The following SLC2A9 variants were observed in gnomAD, a reference collection of about 807,000 sequenced individuals.
SLC2A9 encodes the protein solute carrier family 2 member 9.
In SLC2A9, 39 loss-of-function variants were observed where a neutral mutation model predicts 50.6. The ratio of observed to expected loss-of-function variants is 0.77; its 90% CI spans 0.60 to 1.01. The LOEUF is 1.01. Ranked by LOEUF, SLC2A9 falls within the 50% of genes least tolerant of loss-of-function variation. The probability of loss-of-function intolerance (pLI) is 0.00; values close to 1 mark genes in which losing one functional copy is unlikely to be tolerated. For missense variants in SLC2A9, 686 were observed against 677.6 expected (o/e 1.01, Z -0.14); for synonymous variants, 324 against 276.9 (o/e 1.17, Z -1.69).
intron 1 of SLC2A9, among the ~76,000 whole-genome samples, chr4:10,036,595 T>C (rs1442245716): frequency 6.6e-6 from 1 of 152,216 alleles, no homozygotes; most frequent in Non-Finnish European, 1.5e-5. Context: ...ATTAGCATCA[T>C]TTTACATGGC....
chr4:9,990,023 T>C (rs563007369), intron 3 of SLC2A9, among the ~76,000 whole-genome samples: 105 of 152,228 alleles, frequency 6.9e-4, no homozygotes, highest in African/African-American at 2.3e-3. Flanking sequence ...CTCCTTGAGC[T>C]GCTCTGTTTT....
At chr4:9,848,289 C>A (rs557356376) in intron 10 of SLC2A9, among the ~76,000 whole-genome samples, 97 of 152,076 alleles carry the variant, frequency 6.4e-4, no homozygotes, top group Admixed American at 1.2e-3. Context: ...TTCTACACAG[C>A]CCAACCAGGT....
At position 9,996,871 on chromosome 4, in the gene SLC2A9, G is replaced by T; in HGVS notation, c.320C>A (p.Thr107Asn). Residue 107 changes from threonine to asparagine, a missense_variant, in exon 3 of 12, where the codon ACT becomes AAT. Thr to Asn is a moderately conservative substitution (Grantham distance 65). Transcript: ENST00000264784. ...GGACACAGTCACAGACCAGAGCAAA[G>T]TCAGAGTGTCTGGGTCTATTGGACG... Reference protein sequence around the residue: ...HGRPIDPDTLTLLWSVTVSIF... With the variant: ...HGRPIDPDTLNLLWSVTVSIF... 2 of 1,614,140 alleles carry T rather than the reference G, an allele frequency of 1.2e-6. No homozygotes were observed. The highest frequency in any genetic ancestry group is 2.2e-5 in the South Asian group (2 of 91,088).
intron 1 of SLC2A9, among the ~76,000 whole-genome samples, chr4:10,020,972 G>T (rs1239222082): frequency 6.6e-6 from 1 of 152,224 alleles, no homozygotes; most frequent in African/African-American, 2.4e-5. Flanking sequence ...GCCATGCCCT[G>T]GGGAGGGTGA....
intron 8 of SLC2A9, among the ~76,000 whole-genome samples, chr4:9,903,260 A>ATTT (rs35134320): frequency 6.8e-6 from 1 of 147,118 alleles, no homozygotes; most frequent in Non-Finnish European, 1.5e-5. Flanking sequence ...AACCATAAGG[A>ATTT]TTTTTTTTTT....
chr4:9,795,161 C>T (rs979819360), downstream of SLC2A9, among the ~76,000 whole-genome samples: 22 of 151,948 alleles, frequency 1.4e-4, no homozygotes, highest in African/African-American at 5.1e-4. Context: ...CAGGTGCACG[C>T]CCCCACACTC....
Position 9,996,932 on chromosome 4 carries a change from C to A in SLC2A9, c.259G>T (p.Ala87Ser), listed in dbSNP as rs768379029. ...CTTTCCCATGACTCATTGTAAAAGG[C>A]CTTGATGTACTGAAAATAAACAACA... Reference protein sequence around the residue: ...VVNAPTPYIKAFYNESWERRH... With the variant: ...VVNAPTPYIKSFYNESWERRH... Residue 87 changes from alanine (A) to serine (S), a missense_variant, in exon 3 of 12, where the codon GCC (alanine) becomes TCC (serine). Transcript: ENST00000264784. 5.6e-6 allele frequency: 9 copies of A among 1,613,984 alleles called. No homozygotes were observed. Among genetic ancestry groups the A allele is most frequent in the East Asian group, 2.2e-5 (1 of 44,858 alleles).
rs535217120 is a variant in SLC2A9, at chr4:9,997,583, C to A, written c.250-642G>T. On this transcript the variant is annotated intron_variant, in intron 2 of 11. Coordinates refer to ENST00000264784, the MANE Select transcript of SLC2A9 (RefSeq NM_020041.3). ...GGTGTGGTGGCATGCACCTGTAATC[C>A]CAGCTACTCAGGAGGCTGAGGCATG... 3.3e-5 allele frequency among the ~76,000 whole-genome samples: 5 copies of A among 152,100 alleles called. No homozygotes were observed. In the East Asian group the frequency reaches 9.7e-4, roughly 29 times the overall value.
At chr4:9,787,606 T>C (rs183140348) in intron 3 of SLC2A9, among the ~76,000 whole-genome samples, 9 of 152,380 alleles carry the variant, frequency 5.9e-5, no homozygotes, top group African/African-American at 2.2e-4. Flanking sequence ...GACTTCATGA[T>C]AATGTCCTTT....
At chr4:9,785,699 A>C (rs370414516) in intron 3 of SLC2A9, among the ~76,000 whole-genome samples, 2 of 152,232 alleles carry the variant, frequency 1.3e-5, no homozygotes, top group African/African-American at 4.8e-5. Context: ...TGCTCTAGGC[A>C]TTGTTCTAGA....
intron 8 of SLC2A9, 149 bp from the exon 9 acceptor site, chr4:9,890,860 C>A: frequency 1.4e-6 from 1 of 707,180 alleles, no homozygotes; most frequent in Non-Finnish European, 2.5e-6. Context: ...TGGCCACAGC[C>A]CTGAAGCAAT....
At chr4:10,014,336 G>A (rs1266602763) in intron 2 of SLC2A9, among the ~76,000 whole-genome samples, 2 of 152,202 alleles carry the variant, frequency 1.3e-5, no homozygotes, top group Non-Finnish European at 2.9e-5. Context: ...CACCTACATG[G>A]TGCCTGGGAT....
At chr4:10,010,820 C>T (rs1761639497) in intron 2 of SLC2A9, among the ~76,000 whole-genome samples, 1 of 152,180 alleles carries the variant, frequency 6.6e-6, no homozygotes, top group Non-Finnish European at 1.5e-5. Flanking sequence ...TCCCTGTTTG[C>T]TTTCTAATTT....
At chr4:10,009,779 G>A (rs1241387438) in intron 2 of SLC2A9, 2 of 152,302 alleles carry the variant, frequency 1.3e-5, no homozygotes, top group Admixed American at 6.5e-5. Context: ...CTAAAGTTAA[G>A]TTCTCATTCA....
intron 1 of SLC2A9, among the ~76,000 whole-genome samples, chr4:10,020,995 C>T (rs1311320961): frequency 6.6e-6 from 1 of 152,234 alleles, no homozygotes; most frequent in Admixed American, 6.5e-5. Flanking sequence ...AGAGGGACAC[C>T]ACCATGCAAG....
At chr4:9,775,625 C>T (rs1412963869), downstream of SLC2A9, among the ~76,000 whole-genome samples, 3 of 151,792 alleles carry the variant, frequency 2.0e-5, no homozygotes, top group Non-Finnish European at 4.4e-5. Context: ...AAGTGTGTGG[C>T]ATGTCCCTCC....
intron 3 of SLC2A9, among the ~76,000 whole-genome samples, chr4:9,818,009 C>T (rs936046918): frequency 5.9e-5 from 9 of 152,184 alleles, no homozygotes; most frequent in African/African-American, 2.2e-4. Context: ...TCCAGTGCTA[C>T]ATTACTTATA....
In SLC2A9 at chr4:9,895,658, T is replaced by C. The variant is rs140992859; in HGVS notation, c.1114-4947A>G. 2.3e-3 allele frequency among the ~76,000 whole-genome samples: 353 copies of C among 152,346 alleles called. 3 individuals are homozygous for C. Among genetic ancestry groups the C allele is most frequent in the African/African-American group, 7.8e-3 (323 of 41,576 alleles). ...CTGGTGAAATAATAATGGGAACCTT[T>C]TGTTCTGGTTAGGATTTTAAGAAGC... On this transcript the variant is annotated intron_variant, in intron 8 of 11. Coordinates refer to ENST00000264784, the MANE Select transcript of SLC2A9 (RefSeq NM_020041.3).
intron 8 of SLC2A9, among the ~76,000 whole-genome samples, chr4:9,905,305 A>G (rs1055645433): frequency 3.3e-5 from 5 of 152,226 alleles, no homozygotes; most frequent in African/African-American, 1.2e-4. Context: ...AACCTCCTCC[A>G]TTGGACTGTG....
Sources: gnomAD v4.1 joint callset for allele counts (sites outside exome capture counted in the v4.1 genomes callset) on GRCh38, gnomAD v4.1.1 for gene constraint, MANE v1.5 for transcripts, NCBI Gene and HGNC (gene_info 2026-07-23, HGNC 2026-07-21) for gene names.